PUS7L: variants seen among roughly 807,000 people sequenced by gnomAD.
PUS7L encodes the protein pseudouridylate synthase PUS7L.
A neutral mutation model predicts 51.1 loss-of-function variants in PUS7L; 49 were observed. The observed-to-expected ratio is 0.96, with a 90% CI of 0.76 to 1.22. The LOEUF is 1.22. Ranked by LOEUF, PUS7L falls within the 50% of genes most tolerant of loss-of-function variation. The probability of loss-of-function intolerance (pLI) is 0.00; values close to 1 mark genes in which losing one functional copy is unlikely to be tolerated. For missense variants in PUS7L, 828 were observed against 820.6 expected, an observed-to-expected ratio of 1.01 and a Z score of -0.11; for synonymous variants, 277 against 276.2, an observed-to-expected ratio of 1.00 and a Z score of -0.03.
intron 4 of PUS7L, among the ~76,000 whole-genome samples, chr12:43,745,845 T>C (rs1938141504): frequency 6.6e-6 from 1 of 152,206 alleles, no homozygotes; most frequent in South Asian, 2.1e-4. Flanking sequence ...ATATTTTGTT[T>C]TGTTTAAATA....
Position 43,731,264 on chromosome 12 carries a change from G to A in PUS7L, c.1779+441C>T, listed in dbSNP as rs533856075. Among the ~76,000 whole-genome samples, 9 of 152,242 alleles carry A rather than the reference G, an allele frequency of 5.9e-5. No individual in the cohort carries two copies. In the East Asian group the frequency reaches 1.7e-3, roughly 29 times the overall value. On this transcript the variant is annotated intron_variant, in intron 8 of 8. Transcript: ENST00000344862. The stretch of plus-strand genomic sequence containing the variant: ...ACCAAAAGGTAGTCAAGAAAAGGAA[G>A]AAGGTAAAAAATTCAAATATACACA...
intron 3 of PUS7L, among the ~76,000 whole-genome samples, chr12:43,747,151 A>G (rs889302380): frequency 9.8e-5 from 15 of 152,304 alleles, no homozygotes; most frequent in African/African-American, 3.6e-4. Flanking sequence ...TTTTGACCCA[A>G]TCATTCACAT....
At chr12:43,755,410 T>C (rs574852690) in intron 1 of PUS7L, 149 bp from the exon 2 acceptor site, 73 of 568,352 alleles carry the variant, frequency 1.3e-4, no homozygotes, top group African/African-American at 1.2e-3. Flanking sequence ...TTTATAACTA[T>C]ATGTACTTCC....
rs1440527339 is a variant in PUS7L at position 43,725,903 on chromosome 12, C to T, written c.*4473G>A. On this transcript the variant is annotated 3_prime_UTR_variant, in exon 9 of 9. Coordinates refer to ENST00000344862, the MANE Select transcript of PUS7L (RefSeq NM_031292.5). Reference sequence around the variant, plus strand: ...GGAATATGGATTAAAGTGTGAGATACTGACATAATAGATACTCAGAAAATG... The same window carrying T: ...GGAATATGGATTAAAGTGTGAGATATTGACATAATAGATACTCAGAAAATG... 6.6e-6 allele frequency: 1 copy of T among 152,068 alleles called. No homozygotes were observed. Among genetic ancestry groups the T allele is most frequent in the Non-Finnish European group, 1.5e-5 (1 of 68,012 alleles). The allele number at this position is 152,068 out of a possible 1,614,324, so 9.4% of individuals were successfully genotyped here. A position where few individuals can be genotyped will look rare whatever the true frequency, so the allele number is the denominator to read the frequency against.
chr12:43,728,462 C>T lies in PUS7L; in HGVS notation c.*1914G>A, dbSNP rs1384574965. 1 of 152,164 alleles carries T rather than the reference C, an allele frequency of 6.6e-6. No homozygotes were observed. The highest frequency in any genetic ancestry group is 2.4e-5 in the African/African-American group (1 of 41,544). 9.4% of individuals were successfully genotyped at this position (152,164 alleles called of 1,614,324 possible). The stretch of plus-strand genomic sequence containing the variant: ...ATGTATATAACTCATTTTATGATTA[C>T]ATTTATAGGATACGATTTATCATAT... On this transcript the variant is annotated 3_prime_UTR_variant, in exon 9 of 9. Transcript: ENST00000344862.
At chr12:43,745,761 T>C (rs1938135225) in intron 4 of PUS7L, among the ~76,000 whole-genome samples, 1 of 151,986 alleles carries the variant, frequency 6.6e-6, no homozygotes, top group South Asian at 2.1e-4. Flanking sequence ...TTAAAAAAAA[T>C]CTCTCTTATG....
intron 4 of PUS7L, chr12:43,742,785 G>T: frequency 3.0e-6 from 1 of 331,774 alleles, no homozygotes; most frequent in Non-Finnish European, 4.3e-6. Context: ...TTAAAAATAC[G>T]TCAGCTTTCC....
rs1383513158 is a variant in PUS7L, at chr12:43,724,208, G to T, written c.*6168C>A. ...ATTACTCCCAGGTAGAAAACGTTAA[G>T]GAACATTGACCTAGACAGCTCTTAA... On this transcript the variant is annotated 3_prime_UTR_variant, in exon 9 of 9. Transcript: ENST00000344862. 4 of 151,584 alleles carry T rather than the reference G, an allele frequency of 2.6e-5. No homozygotes were observed. The highest frequency in any genetic ancestry group is 5.9e-5 in the Non-Finnish European group (4 of 67,860). 9.4% of individuals were successfully genotyped at this position (151,584 alleles called of 1,614,324 possible). A position where few individuals can be genotyped will look rare whatever the true frequency, so the allele number is the denominator to read the frequency against.
chr12:43,756,687 A>C (rs890119264), intron 1 of PUS7L, among the ~76,000 whole-genome samples: 1 of 152,178 alleles, frequency 6.6e-6, no homozygotes, highest in Non-Finnish European at 1.5e-5. Context: ...TGTCACGGTC[A>C]TAACTTTGAC....
At chr12:43,750,953 C>A (rs891082464) in intron 2 of PUS7L, among the ~76,000 whole-genome samples, 1 of 152,080 alleles carries the variant, frequency 6.6e-6, no homozygotes, top group African/African-American at 2.4e-5. Context: ...ATAAATCGTT[C>A]CTTGAGTTTG....
At position 43,758,750 on chromosome 12, in the gene PUS7L, T is replaced by G; in HGVS notation, c.-37A>C. The G allele has an allele frequency of 3.1e-6, 3 of 978,134 alleles. No homozygotes were observed. The highest frequency in any genetic ancestry group is 2.4e-6 in the Non-Finnish European group (2 of 826,922). 60.6% of individuals were successfully genotyped at this position (978,134 alleles called of 1,614,324 possible). ...TCTACCTCGGTTCAGTGGAAGGCATTCATTTGCACAACGCTGTGCGCATGC... is the reference window on the plus strand; with the variant it reads ...TCTACCTCGGTTCAGTGGAAGGCATGCATTTGCACAACGCTGTGCGCATGC... On this transcript the variant is annotated 5_prime_UTR_variant, in exon 1 of 9. The change abolishes the stop of an existing upstream ORF in the 5' untranslated region. Coordinates refer to ENST00000344862, the MANE Select transcript of PUS7L (RefSeq NM_031292.5).
chr12:43,731,145 A>G (rs1164157151), intron 8 of PUS7L, among the ~76,000 whole-genome samples: 1 of 152,138 alleles, frequency 6.6e-6, no homozygotes, highest in Non-Finnish European at 1.5e-5. Flanking sequence ...CAACACATTC[A>G]ATGTTTATTT....
intron 3 of PUS7L, among the ~76,000 whole-genome samples, chr12:43,748,078 C>T (rs1414374377): frequency 2.0e-5 from 3 of 152,218 alleles, no homozygotes; most frequent in African/African-American, 4.8e-5. Context: ...CGTAAGCCAC[C>T]GTGCCCAGCC....
chr12:43,730,623 C>G lies in PUS7L; in HGVS notation c.1859G>C (p.Arg620Thr), dbSNP rs139888322. 32 of 1,613,574 alleles carry G rather than the reference C, an allele frequency of 2.0e-5. No homozygotes were observed. Among genetic ancestry groups the G allele is most frequent in the Admixed American group, 1.2e-4 (7 of 59,990 alleles). Reference protein sequence around the residue: ...VGQWYHDILSRDGLQTCRFKV... With the variant: ...VGQWYHDILSTDGLQTCRFKV... ...AAACCTACATGTCTGTAGTCCATCT[C>G]TGCTAAGTATGTCATGGTACCACTG... Residue 620 changes from arginine to threonine, a missense_variant, in exon 9 of 9, where the codon AGA becomes ACA. Transcript: ENST00000344862.
chr12:43,742,581 TTAAGAGTATATAAATACAATTA>T (rs1378910452), intron 4 of PUS7L, 26 bp from the exon 5 acceptor site: 1 of 1,540,658 alleles, frequency 6.5e-7, no homozygotes, highest in African/African-American at 1.4e-5. Context: ...AATCAACAAA[TTAAGAGTATATAAATACAATTA>T]TGTGTCAAAA....
At chr12:43,731,498 T>G (rs1194763715) in intron 8 of PUS7L, among the ~76,000 whole-genome samples, 1 of 152,180 alleles carries the variant, frequency 6.6e-6, no homozygotes, top group Non-Finnish European at 1.5e-5. Context: ...TTGATATTTG[T>G]GGTGGCCACA....
intron 3 of PUS7L, 21 bp from the exon 4 acceptor site, chr12:43,746,259 A>C (rs1294153549): frequency 2.9e-6 from 3 of 1,044,300 alleles, no homozygotes; most frequent in Non-Finnish European, 4.1e-6. Flanking sequence ...TAAATCATAT[A>C]AACTCAGTTA....
At chr12:43,732,543 A>C (rs1004962541) in intron 7 of PUS7L, among the ~76,000 whole-genome samples, 1 of 152,198 alleles carries the variant, frequency 6.6e-6, no homozygotes, top group East Asian at 1.9e-4. Context: ...GAGGAAAAAA[A>C]GGTGCATGAC....
rs1466505153 is a variant in PUS7L at position 43,728,449 on chromosome 12, C to T, written c.*1927G>A. On this transcript the variant is annotated 3_prime_UTR_variant, in exon 9 of 9. Transcript: ENST00000344862. Reference sequence around the variant, plus strand: ...CTAGGATTTAATAATGTATATAACTCATTTTATGATTACATTTATAGGATA... The same window carrying T: ...CTAGGATTTAATAATGTATATAACTTATTTTATGATTACATTTATAGGATA... 3.3e-5 allele frequency: 5 copies of T among 151,996 alleles called. No individual in the cohort carries two copies. Among genetic ancestry groups the T allele is most frequent in the Non-Finnish European group, 5.9e-5 (4 of 67,968 alleles). The allele number at this position is 151,996 out of a possible 1,614,324, so 9.4% of individuals were successfully genotyped here.
Sources: allele counts gnomAD v4.1 joint callset (sites outside exome capture counted in the v4.1 genomes callset), GRCh38; gene constraint gnomAD v4.1.1; transcripts MANE v1.5; gene names NCBI Gene and HGNC (gene_info 2026-07-23, HGNC 2026-07-21).